TNRC6A: variants seen among roughly 807,000 people sequenced by gnomAD.
TNRC6A encodes the protein trinucleotide repeat containing adaptor 6A.
A neutral mutation model predicts 221.2 loss-of-function variants in TNRC6A; 44 were observed. The ratio of observed to expected loss-of-function variants is 0.20; its 90% CI spans 0.16 to 0.26. The LOEUF is 0.26. TNRC6A is among the 10% of genes least tolerant of loss of function. The pLI, the probability that TNRC6A is intolerant of heterozygous loss-of-function variation, is 1.00. For missense variants in TNRC6A, 2,199 were observed against 2,404.4 expected, an observed-to-expected ratio of 0.91 and a Z score of 1.79; for synonymous variants, 847 against 838.5, an observed-to-expected ratio of 1.01 and a Z score of -0.18.
intron 2 of TNRC6A, among the ~76,000 whole-genome samples, chr16:24,686,427 G>C (rs1439141896): frequency 6.6e-6 from 1 of 152,026 alleles, no homozygotes; most frequent in Non-Finnish European, 1.5e-5. Flanking sequence ...CTTTCCAAGG[G>C]TTTTGTTTCT....
intron 2 of TNRC6A, among the ~76,000 whole-genome samples, chr16:24,747,697 G>T (rs531845049): frequency 6.6e-6 from 1 of 152,302 alleles, no homozygotes; most frequent in Admixed American, 6.5e-5. Flanking sequence ...TGACTGGTTG[G>T]CTGTGATGAT....
At chr16:24,722,688 C>A (rs1456973740) in intron 2 of TNRC6A, among the ~76,000 whole-genome samples, 2 of 152,068 alleles carry the variant, frequency 1.3e-5, no homozygotes, top group Non-Finnish European at 2.9e-5. Flanking sequence ...CCTGCCTCGG[C>A]CTCCCAAAGT....
At chr16:24,725,227 T>G (rs1439455673), upstream of TNRC6A, among the ~76,000 whole-genome samples, 1 of 152,120 alleles carries the variant, frequency 6.6e-6, no homozygotes, top group African/African-American at 2.4e-5. Flanking sequence ...TGGAGTGCAG[T>G]AGCATTATCT....
chr16:24,730,424 C>A, intron 2 of TNRC6A, 124 bp downstream of exon 2: 3 of 1,100,370 alleles, frequency 2.7e-6, no homozygotes, highest in South Asian at 1.4e-5. Context: ...AGCAGACATT[C>A]GGGAGAAGCG....
chr16:24,717,754 T>C (rs2151074240), intron 2 of TNRC6A, among the ~76,000 whole-genome samples: 2 of 149,072 alleles, frequency 1.3e-5, no homozygotes, highest in Middle Eastern at 6.9e-3. Flanking sequence ...AAGACAAGGT[T>C]CATCTTTTTT....
Position 24,790,372 on chromosome 16 carries a change from G to T in TNRC6A, c.1730G>T (p.Gly577Val). 2.5e-6 allele frequency: 4 copies of T among 1,614,210 alleles called. No individual in the cohort carries two copies. Among genetic ancestry groups the T allele is most frequent in the Non-Finnish European group, 3.4e-6 (4 of 1,180,048 alleles). Residue 577 changes from glycine to valine, a missense_variant, in exon 6 of 25, where the codon GGT (glycine) becomes GTT (valine). This residue lies in a region of TNRC6A where 1,405 missense variants were observed against 1,400.2 expected (regional missense o/e 1.00). Transcript: ENST00000395799. ...AAAGGAGGTGGTGTGTGGGAATCTG[G>T]TGCAGCAAACTCCCAGAGTACATCA... ...TNKGGGVWES[G>V]AANSQSTSWG...
chr16:24,692,548 C>T lies in TNRC6A; in HGVS notation n.402+51539C>T, dbSNP rs975832818. Reference sequence around the variant, plus strand: ...TCGCACCACTGCACTCCAGCCTGGGCGACAGCGTGAACCTCCATCTCAAAA... The same window carrying T: ...TCGCACCACTGCACTCCAGCCTGGGTGACAGCGTGAACCTCCATCTCAAAA... On this transcript the variant is annotated intron_variant and non_coding_transcript_variant, in intron 2 of 2. Transcript: ENST00000566108. Among the ~76,000 whole-genome samples, 15 of 151,642 alleles carry T rather than the reference C, an allele frequency of 9.9e-5. 1 individual carries two copies. The highest frequency in any genetic ancestry group is 4.2e-4 in the South Asian group (2 of 4,784).
intron 4 of TNRC6A, among the ~76,000 whole-genome samples, chr16:24,760,463 G>GTC (rs2057339017): frequency 6.6e-6 from 1 of 152,184 alleles, no homozygotes; most frequent in African/African-American, 2.4e-5. Context: ...CGACTCTGTA[G>GTC]ATGATAGGCT....
intron 2 of TNRC6A, among the ~76,000 whole-genome samples, chr16:24,646,958 TCCC>T (rs1805459204): frequency 1.3e-5 from 2 of 152,112 alleles, no homozygotes; most frequent in Non-Finnish European, 2.9e-5. Context: ...AGACAGAGTT[TCCC>T]TCTATTTCCC....
At chr16:24,821,897 A>G (rs1371963415) in intron 22 of TNRC6A, 180 bp from the exon 23 acceptor site, 3 of 607,342 alleles carry the variant, frequency 4.9e-6, no homozygotes, top group Non-Finnish European at 8.9e-6. Context: ...GCCCCCTGCC[A>G]TAGGAGTTAA....
intron 2 of TNRC6A, among the ~76,000 whole-genome samples, chr16:24,734,396 T>TA (rs200408469): frequency 1.0e-3 from 153 of 149,666 alleles, no homozygotes; most frequent in Admixed American, 5.0e-3. Flanking sequence ...TTTGCAGTTG[T>TA]AAAAAAAAAA....
intron 14 of TNRC6A, 170 bp downstream of exon 14, chr16:24,805,321 A>G (rs991200316): frequency 1.3e-4 from 139 of 1,085,570 alleles, no homozygotes; most frequent in Non-Finnish European, 1.5e-4. Flanking sequence ...AAAGTCAAGG[A>G]TAATTTAAAT....
chr16:24,628,573 A>G (rs1485147519), intron 1 of TNRC6A, among the ~76,000 whole-genome samples: 1 of 152,196 alleles, frequency 6.6e-6, no homozygotes, highest in African/African-American at 2.4e-5. Flanking sequence ...GAAGATGACG[A>G]AGATGAAGAC....
chr16:24,775,374 G>A (rs548080074), intron 4 of TNRC6A, among the ~76,000 whole-genome samples: 1 of 151,380 alleles, frequency 6.6e-6, no homozygotes, highest in East Asian at 1.9e-4. Flanking sequence ...TATTACTTTA[G>A]AAAAATGGAA....
At position 24,806,793 on chromosome 16, in the gene TNRC6A, C is replaced by T. The variant is rs201699052; in HGVS notation, c.4540+9C>T. ...CAGCAACTTCCCTATAGGTGGGTTT[C>T]TCCTTGGCCCAAGTATTGGACTGAT... On this transcript the variant is annotated intron_variant, in intron 17 of 24. Coordinates refer to ENST00000395799, the MANE Select transcript of TNRC6A (RefSeq NM_014494.4). 1 of 1,613,806 alleles carries T rather than the reference C, an allele frequency of 6.2e-7. No individual in the cohort carries two copies.
At chr16:24,677,454 T>A (rs1376381539) in intron 2 of TNRC6A, among the ~76,000 whole-genome samples, 1 of 152,132 alleles carries the variant, frequency 6.6e-6, no homozygotes, top group Non-Finnish European at 1.5e-5. Context: ...TAAGCCACAG[T>A]GCCCGGCCCC....
At chr16:24,821,148 G>A (rs886487001) in intron 22 of TNRC6A, among the ~76,000 whole-genome samples, 1 of 152,208 alleles carries the variant, frequency 6.6e-6, no homozygotes, top group African/African-American at 2.4e-5. Context: ...ACTAAAGTAC[G>A]TGCCAAGCTG....
At chr16:24,751,691 A>G (rs2057140072) in intron 3 of TNRC6A, among the ~76,000 whole-genome samples, 1 of 152,178 alleles carries the variant, frequency 6.6e-6, no homozygotes, top group South Asian at 2.1e-4. Flanking sequence ...TTAATTTCTA[A>G]TATATGCCTT....
At chr16:24,788,810 G>A (rs1037556372) in intron 5 of TNRC6A, among the ~76,000 whole-genome samples, 1 of 151,958 alleles carries the variant, frequency 6.6e-6, no homozygotes, top group Non-Finnish European at 1.5e-5. Flanking sequence ...CACCATGCCC[G>A]GCTAATTTTT....
Sources: gnomAD v4.1 joint callset for allele counts (sites outside exome capture counted in the v4.1 genomes callset) on GRCh38, gnomAD v4.1.1 for gene constraint, gnomAD v4.1.1 regional missense constraint, MANE v1.5 for transcripts, NCBI Gene and HGNC (gene_info 2026-07-23, HGNC 2026-07-21) for gene names.